Variants in PDE12 observed in about 807,000 individuals in gnomAD.
The protein encoded by PDE12 is phosphodiesterase 12, also known as 2',5'-phosphodiesterase 12.
In PDE12, 26 loss-of-function variants were observed where a neutral mutation model predicts 45.4. The observed-to-expected ratio is 0.57, with a 90% CI of 0.42 to 0.79. The LOEUF is 0.79. Among genes scored for constraint, PDE12 ranks in the 30% least tolerant of loss-of-function variants. The pLI, the probability that PDE12 is intolerant of heterozygous loss-of-function variation, is 0.00. For synonymous variants in PDE12, 283 were observed against 323.9 expected (o/e 0.87, Z 1.36); for missense variants, 668 against 790.0 (o/e 0.85, Z 1.85).
Position 57,559,612 on chromosome 3 carries a change from C to T in PDE12, c.1438C>T (p.His480Tyr), listed in dbSNP as rs766657032. 1 of 1,613,342 alleles carries T rather than the reference C, an allele frequency of 6.2e-7. No homozygotes were observed. Among genetic ancestry groups the T allele is most frequent in the Non-Finnish European group, 8.5e-7 (1 of 1,179,352 alleles). The stretch of plus-strand genomic sequence containing the variant: ...GGCAGTAGCCTTGGCTCACATAAGA[C>T]ATGTTTCATGTGATCTGTATCCTGG... ...QMAVALAHIR[H>Y]VSCDLYPGIP... Residue 480 changes from histidine (H) to tyrosine (Y), a missense_variant, in exon 3 of 3, where the codon CAT becomes TAT. His to Tyr is a moderately conservative substitution (Grantham distance 83, BLOSUM62 2). Coordinates refer to ENST00000311180, the MANE Select transcript of PDE12 (RefSeq NM_177966.7).
chr3:57,643,301 G>A, the PDE12 span, among the ~76,000 whole-genome samples: 80 of 152,194 alleles, frequency 5.3e-4, no homozygotes, highest in African/African-American at 1.8e-3. Context: ...AGAGGTATGA[G>A]ATTAGGGGAG....
At chr3:57,608,892 T>C in the PDE12 span, among the ~76,000 whole-genome samples, 1 of 152,188 alleles carries the variant, frequency 6.6e-6, no homozygotes, top group African/African-American at 2.4e-5. Flanking sequence ...GTGGACCTAA[T>C]AGACATCTAC....
chr3:57,591,459 C>T, the PDE12 span, among the ~76,000 whole-genome samples: 549 of 149,500 alleles, frequency 3.7e-3, 2 homozygotes, highest in Non-Finnish European at 6.5e-3. Context: ...CTTTTTTCTT[C>T]TCTTTTCTTT....
chr3:57,619,192 C>T, the PDE12 span, among the ~76,000 whole-genome samples: 1 of 151,714 alleles, frequency 6.6e-6, no homozygotes, highest in Non-Finnish European at 1.5e-5. Context: ...ACTAAAAATA[C>T]AAAAAATTAG....
chr3:57,612,106 C>T, the PDE12 span, among the ~76,000 whole-genome samples: 16 of 151,960 alleles, frequency 1.1e-4, no homozygotes, highest in Admixed American at 7.9e-4. Flanking sequence ...ATGGATGAAG[C>T]TGGAAACCAT....
At chr3:57,646,445 G>A in the PDE12 span, 1 of 1,606,294 alleles carries the variant, frequency 6.2e-7, no homozygotes, top group East Asian at 2.2e-5. Flanking sequence ...ACACCTGAAA[G>A]GTGATGCACA....
At chr3:57,606,216 G>A in the PDE12 span, among the ~76,000 whole-genome samples, 1 of 152,136 alleles carries the variant, frequency 6.6e-6, no homozygotes. Flanking sequence ...CAGTGATAAA[G>A]AGGAAATCTT....
chr3:57,648,358 A>C, the PDE12 span, among the ~76,000 whole-genome samples: 1 of 152,164 alleles, frequency 6.6e-6, no homozygotes, highest in Non-Finnish European at 1.5e-5. Context: ...AGACGACACA[A>C]ACAAATGGAA....
chr3:57,655,576 A>C, the PDE12 span, among the ~76,000 whole-genome samples: 2 of 152,210 alleles, frequency 1.3e-5, no homozygotes, highest in Non-Finnish European at 2.9e-5. Flanking sequence ...AGGTAAGTCA[A>C]AGTCAAAATG....
At chr3:57,614,735 G>C in the PDE12 span, among the ~76,000 whole-genome samples, 1 of 151,472 alleles carries the variant, frequency 6.6e-6, no homozygotes, top group African/African-American at 2.4e-5. Context: ...TTTTAGCAGA[G>C]GGAGGCCGAG....
At chr3:57,575,599 G>A in the PDE12 span, 1 of 1,613,354 alleles carries the variant, frequency 6.2e-7, no homozygotes, top group African/African-American at 1.3e-5. Flanking sequence ...TTTCACTGAT[G>A]GCCATAGCAT....
At chr3:57,601,450 T>C in the PDE12 span, among the ~76,000 whole-genome samples, 5 of 152,122 alleles carry the variant, frequency 3.3e-5, no homozygotes, top group Non-Finnish European at 5.9e-5. Flanking sequence ...GTCACAAATA[T>C]GTATATGGAA....
chr3:57,578,474 A>C, the PDE12 span, among the ~76,000 whole-genome samples: 3 of 117,750 alleles, frequency 2.5e-5, no homozygotes, highest in Middle Eastern at 9.7e-3. Context: ...ATCAATTCTT[A>C]GAGATACAAA....
At chr3:57,593,590 A>G in the PDE12 span, among the ~76,000 whole-genome samples, 1 of 152,236 alleles carries the variant, frequency 6.6e-6, no homozygotes, top group East Asian at 1.9e-4. Flanking sequence ...CAGCTTTTCA[A>G]CAGGCAAGAA....
At chr3:57,622,721 T>C in the PDE12 span, among the ~76,000 whole-genome samples, 2 of 152,196 alleles carry the variant, frequency 1.3e-5, no homozygotes, top group African/African-American at 4.8e-5. Context: ...AAATGTGTTA[T>C]ACCCATATAA....
chr3:57,600,911 T>C, the PDE12 span: 1 of 152,088 alleles, frequency 6.6e-6, no homozygotes, highest in African/African-American at 2.4e-5. Context: ...CTTTCATCAA[T>C]ACAAACCCAG....
downstream of PDE12, among the ~76,000 whole-genome samples, chr3:57,571,123 G>GT: frequency 6.6e-6 from 1 of 152,158 alleles, no homozygotes; most frequent in Admixed American, 6.6e-5. Context: ...GATTACAGGC[G>GT]TGAGCCACCA....
the PDE12 span, chr3:57,628,485 G>T: frequency 8.2e-7 from 1 of 1,218,384 alleles, no homozygotes; most frequent in Non-Finnish European, 1.1e-6. Flanking sequence ...AACTAAAAAA[G>T]CAAGGAGCAT....
At chr3:57,634,701 T>C in the PDE12 span, 1 of 1,544,696 alleles carries the variant, frequency 6.5e-7, no homozygotes, top group Non-Finnish European at 8.7e-7. Flanking sequence ...TAAAAGTCAA[T>C]ACCAGGTTTG....
Sources: allele counts gnomAD v4.1 joint callset (sites outside exome capture counted in the v4.1 genomes callset), GRCh38; gene constraint gnomAD v4.1.1; transcripts MANE v1.5; gene names NCBI Gene and HGNC (gene_info 2026-07-23, HGNC 2026-07-21).